The following ERBB4 variants were observed in gnomAD, a reference collection of about 807,000 sequenced individuals.
ERBB4 encodes erb-b2 receptor tyrosine kinase 4, also known as receptor tyrosine-protein kinase erbB-4.
A neutral mutation model predicts 158.0 loss-of-function variants in ERBB4; 42 were observed. The ratio of observed to expected loss-of-function variants is 0.27; its 90% CI spans 0.21 to 0.34. The LOEUF is 0.34. Among genes scored for constraint, ERBB4 ranks in the 10% least tolerant of loss-of-function variants. The probability of loss-of-function intolerance (pLI) is 1.00; values close to 1 mark genes in which losing one functional copy is unlikely to be tolerated. For missense variants in ERBB4, 1,333 were observed against 1,624.1 expected (o/e 0.82, Z 3.08); for synonymous variants, 583 against 558.7 (o/e 1.04, Z -0.61).
At chr2:211,580,572 A>C (rs147871475) in intron 19 of ERBB4, among the ~76,000 whole-genome samples, 8 of 151,648 alleles carry the variant, frequency 5.3e-5, no homozygotes, top group Non-Finnish European at 8.8e-5. Flanking sequence ...TAGTACAACC[A>C]CTATGTAAAA....
At chr2:212,397,599 T>C (rs2091068456) in intron 1 of ERBB4, among the ~76,000 whole-genome samples, 1 of 152,092 alleles carries the variant, frequency 6.6e-6, no homozygotes, top group African/African-American at 2.4e-5. Flanking sequence ...TACCTTGTTA[T>C]TACACTCCTC....
At chr2:211,581,129 A>AG (rs111844753) in intron 19 of ERBB4, among the ~76,000 whole-genome samples, 1 of 150,736 alleles carries the variant, frequency 6.6e-6, no homozygotes, top group African/African-American at 2.4e-5. Flanking sequence ...AAGGGTGGGG[A>AG]GGGGGTGAAG....
At chr2:211,571,336 CA>C (rs1450588806) in intron 19 of ERBB4, among the ~76,000 whole-genome samples, 2 of 151,998 alleles carry the variant, frequency 1.3e-5, no homozygotes, top group East Asian at 3.8e-4. Flanking sequence ...ACAGAGTTGT[CA>C]AAAACATATG....
At chr2:212,028,974 G>C (rs576816501) in intron 2 of ERBB4, among the ~76,000 whole-genome samples, 12 of 151,972 alleles carry the variant, frequency 7.9e-5, no homozygotes, top group Admixed American at 5.2e-4. Flanking sequence ...AAACAGGACC[G>C]GGGTGGAAGC....
At chr2:212,121,645 A>G (rs1452410777) in intron 2 of ERBB4, among the ~76,000 whole-genome samples, 2 of 152,112 alleles carry the variant, frequency 1.3e-5, no homozygotes, top group African/African-American at 4.8e-5. Context: ...GACGTTCTCT[A>G]CCTCTCCAGT....
intron 3 of ERBB4, among the ~76,000 whole-genome samples, chr2:211,889,782 G>T (rs540696812): frequency 6.6e-6 from 1 of 151,804 alleles, no homozygotes; most frequent in Non-Finnish European, 1.5e-5. Flanking sequence ...GAGCCGATGC[G>T]ATCAACTGGA....
At chr2:212,044,471 C>T (rs922709435) in intron 2 of ERBB4, among the ~76,000 whole-genome samples, 2 of 152,038 alleles carry the variant, frequency 1.3e-5, no homozygotes, top group Non-Finnish European at 2.9e-5. Context: ...AAACAGATTT[C>T]GTATCAGAGT....
chr2:211,990,132 C>A (rs892034731), intron 2 of ERBB4, among the ~76,000 whole-genome samples: 1 of 151,974 alleles, frequency 6.6e-6, no homozygotes, highest in Non-Finnish European at 1.5e-5. Flanking sequence ...TTTATCAGAT[C>A]ATTTCCTATC....
intron 4 of ERBB4, among the ~76,000 whole-genome samples, chr2:211,754,004 C>G (rs1040204655): frequency 6.6e-6 from 1 of 151,576 alleles, no homozygotes; most frequent in Non-Finnish European, 1.5e-5. Flanking sequence ...ACTACAGGCG[C>G]CTGCCACCAC....
intron 2 of ERBB4, among the ~76,000 whole-genome samples, chr2:212,077,846 C>T (rs887385852): frequency 6.6e-6 from 1 of 152,080 alleles, no homozygotes; most frequent in African/African-American, 2.4e-5. Context: ...CATCTTTCCA[C>T]AATTTCCATA....
chr2:211,624,101 C>A, intron 17 of ERBB4, 57 bp from the exon 18 acceptor site: 1 of 1,598,960 alleles, frequency 6.3e-7, no homozygotes, highest in Non-Finnish European at 8.6e-7. Flanking sequence ...TCCTCTCTCT[C>A]TGTCTCTCTC....
intron 5 of ERBB4, among the ~76,000 whole-genome samples, chr2:211,741,324 T>A (rs1230933177): frequency 1.3e-5 from 2 of 152,128 alleles, no homozygotes; most frequent in African/African-American, 2.4e-5. Context: ...CTATTAGTAA[T>A]CCTTCAAATG....
chr2:211,985,059 T>C (rs2081903823), intron 2 of ERBB4, among the ~76,000 whole-genome samples: 3 of 152,308 alleles, frequency 2.0e-5, no homozygotes, highest in African/African-American at 4.8e-5. Context: ...TAATTATATT[T>C]TGAAAAGCTA....
chr2:211,936,265 C>T (rs559403932), intron 3 of ERBB4, among the ~76,000 whole-genome samples: 52 of 151,946 alleles, frequency 3.4e-4, no homozygotes, highest in African/African-American at 1.2e-3. Flanking sequence ...TGAAGTCCTT[C>T]TATTTCATAG....
intron 1 of ERBB4, among the ~76,000 whole-genome samples, chr2:212,464,717 A>G (rs1182322808): frequency 1.3e-5 from 2 of 152,084 alleles, no homozygotes; most frequent in South Asian, 2.1e-4. Context: ...ATTGACCCCA[A>G]ATAAGTTTTG....
chr2:211,786,029 G>A (rs1464712560), intron 4 of ERBB4, among the ~76,000 whole-genome samples: 1 of 152,126 alleles, frequency 6.6e-6, no homozygotes, highest in Non-Finnish European at 1.5e-5. Flanking sequence ...TAGTAATTTA[G>A]ACAGATGAAG....
chr2:211,922,780 A>G (rs1226848313), intron 3 of ERBB4, among the ~76,000 whole-genome samples: 1 of 152,158 alleles, frequency 6.6e-6, no homozygotes, highest in Non-Finnish European at 1.5e-5. Flanking sequence ...GTCAGAGGAT[A>G]TAACCTTTAA....
rs542464849 is a variant in ERBB4, at chr2:211,494,153, C to T, written c.2488-63053G>A. Among the ~76,000 whole-genome samples the T allele has an allele frequency of 2.3e-3, 344 of 152,166 alleles. 1 individual carries two copies. The highest frequency in any genetic ancestry group is 8.0e-3 in the African/African-American group (333 of 41,544). ...AAGTAGCTGTGACTACAGGCAAGTG[C>T]TAACACGCCCAGCTAATTTTTGTAT... On this transcript the variant is annotated intron_variant, in intron 20 of 27. Transcript: ENST00000342788.
In ERBB4 at chr2:212,105,157, T is replaced by C. The variant is rs1334350296; in HGVS notation, c.234+19595A>G. Reference sequence around the variant, plus strand: ...AGAATTCCCTAACACCTAAACTTCATGCAGAAAACCTAATATGAAAAGTCC... The same window carrying C: ...AGAATTCCCTAACACCTAAACTTCACGCAGAAAACCTAATATGAAAAGTCC... On this transcript the variant is annotated intron_variant, in intron 2 of 27. Transcript: ENST00000342788. 2.6e-5 allele frequency among the ~76,000 whole-genome samples: 4 copies of C among 152,208 alleles called. No individual in the cohort carries two copies. In the East Asian group the frequency reaches 7.7e-4, roughly 29 times the overall value.
Sources: allele counts gnomAD v4.1 joint callset (sites outside exome capture counted in the v4.1 genomes callset), GRCh38; gene constraint gnomAD v4.1.1; transcripts MANE v1.5; gene names NCBI Gene and HGNC (gene_info 2026-07-23, HGNC 2026-07-21).